Variants in ELP6 observed in about 807,000 individuals in gnomAD.
ELP6 encodes the protein elongator acetyltransferase complex subunit 6.
A neutral mutation model predicts 28.1 loss-of-function variants in ELP6; 23 were observed. The ratio of observed to expected loss-of-function variants is 0.82; its 90% CI spans 0.59 to 1.16. The LOEUF is 1.16. ELP6 is among the 50% of genes most tolerant of loss of function. The pLI is 0.00. For synonymous variants in ELP6, 132 were observed against 135.8 expected (o/e 0.97, Z 0.19); for missense variants, 313 against 334.6 (o/e 0.94, Z 0.50).
At position 47,513,548 on chromosome 3, in the gene ELP6, T is replaced by G; in HGVS notation, c.43A>C (p.Arg15=). 1 of 1,612,800 alleles carries G rather than the reference T, an allele frequency of 6.2e-7. No individual in the cohort carries two copies. Among genetic ancestry groups the G allele is most frequent in the South Asian group, 1.1e-5 (1 of 90,880 alleles). ...LNNLLNTTPD[R]AEQGKLTLLC... ...GCGGGACCTCTTACCTGCTCCGCCC[T>G]GTCGGGGGTGGTGTTAAGCAGGTTA... Residue 15 remains arginine, a synonymous_variant, in exon 1 of 7, where the codon AGG becomes CGG. Coordinates refer to ENST00000296149, the MANE Select transcript of ELP6 (RefSeq NM_001031703.3).
chr3:47,501,680 GTA>G lies in ELP6; in HGVS notation c.493_494del (p.Tyr165LeufsTer26), dbSNP rs1708656859. The G allele has an allele frequency of 1.2e-6, 2 of 1,614,092 alleles. No homozygotes were observed. On this transcript the variant is annotated frameshift_variant, in exon 5 of 7. Transcript: ENST00000296149. LOFTEE classifies it high-confidence loss of function. ...GAVAVLDFIH[Y>X]CRATVCWELK... Reference sequence around the variant, plus strand: ...GTTCCCAGCACACGGTGGCTCTGCAGTAGTGAATGAAGTCTAGCACAGCCACC... The same window carrying G: ...GTTCCCAGCACACGGTGGCTCTGCAGGTGAATGAAGTCTAGCACAGCCACC...
intron 2 of ELP6, among the ~76,000 whole-genome samples, chr3:47,510,813 G>A (rs963106871): frequency 1.3e-5 from 2 of 152,126 alleles, no homozygotes; most frequent in African/African-American, 4.8e-5. Context: ...AAGTGTCAAT[G>A]GGGTCGAGTG....
intron 6 of ELP6, chr3:47,497,804 T>C (rs1211730794): frequency 4.5e-6 from 1 of 219,810 alleles, no homozygotes; most frequent in Non-Finnish European, 7.7e-6. Context: ...TGGCAGTGGG[T>C]GCCTATAATC....
At chr3:47,502,869 C>T (rs531168145) in intron 4 of ELP6, among the ~76,000 whole-genome samples, 9 of 152,156 alleles carry the variant, frequency 5.9e-5, no homozygotes, top group South Asian at 4.1e-4. Flanking sequence ...AGAAGTTAAA[C>T]AGCAACTCAG....
chr3:47,505,973 GC>G (rs1370126898), intron 3 of ELP6, among the ~76,000 whole-genome samples: 1 of 152,170 alleles, frequency 6.6e-6, no homozygotes, highest in Non-Finnish European at 1.5e-5. Flanking sequence ...CAGGAAACCT[GC>G]CCCGATAGTC....
intron 2 of ELP6, 43 bp downstream of exon 2, chr3:47,511,105 C>T (rs1257889044): frequency 6.5e-6 from 10 of 1,535,846 alleles, no homozygotes; most frequent in Non-Finnish European, 9.0e-6. Flanking sequence ...TATTTCTGCA[C>T]CCATCTTGGG....
chr3:47,511,155 A>T lies in ELP6; in HGVS notation c.126T>A (p.Tyr42Ter). ...CATCAATGAGTCCCATACCTTTGAGATAGAAGGAGAGAAAGTGGTGTACAA... is the reference window on the plus strand; with the variant it reads ...CATCAATGAGTCCCATACCTTTGAGTTAGAAGGAGAGAAAGTGGTGTACAA... ...SFLVHHFLSF[Y>*]LKANCKVCFV... Residue 42 changes from tyrosine (Y) to a stop codon, truncating the protein, a stop_gained, in exon 2 of 7, where the codon TAT (tyrosine) becomes TAA (stop). Coordinates refer to ENST00000296149, the MANE Select transcript of ELP6 (RefSeq NM_001031703.3). LOFTEE classifies it high-confidence loss of function. The T allele has an allele frequency of 6.2e-7, 1 of 1,613,892 alleles. No homozygotes were observed. The highest frequency in any genetic ancestry group is 8.5e-7 in the Non-Finnish European group (1 of 1,179,826).
intron 2 of ELP6, among the ~76,000 whole-genome samples, chr3:47,510,495 A>T (rs1034801120): frequency 1.3e-5 from 2 of 152,132 alleles, no homozygotes; most frequent in Non-Finnish European, 2.9e-5. Context: ...TTATCATTTG[A>T]GATGGTCTCG....
intron 6 of ELP6, chr3:47,496,814 C>T: frequency 2.0e-6 from 2 of 985,288 alleles, no homozygotes; most frequent in Non-Finnish European, 2.4e-6. Flanking sequence ...TTCTTCTAAG[C>T]ATGGTTTTGT....
At chr3:47,497,473 A>C (rs1708511756) in intron 6 of ELP6, 2 of 325,782 alleles carry the variant, frequency 6.1e-6, no homozygotes, top group African/African-American at 2.2e-5. Flanking sequence ...AGTAGCTGGG[A>C]CTACAGGCCC....
chr3:47,504,572 G>A (rs2108102169), intron 3 of ELP6, 124 bp from the exon 4 acceptor site: 2 of 1,341,306 alleles, frequency 1.5e-6, no homozygotes, highest in South Asian at 2.0e-5. Context: ...ATCACCCAAT[G>A]TACAGGCCTG....
chr3:47,511,073 C>A, intron 2 of ELP6, 75 bp downstream of exon 2: 3 of 1,300,372 alleles, frequency 2.3e-6, no homozygotes, highest in Non-Finnish European at 3.3e-6. Flanking sequence ...TTATTGCTTC[C>A]TTAAATAGTT....
chr3:47,511,969 G>C (rs1043061680), intron 1 of ELP6: 9 of 982,512 alleles, frequency 9.2e-6, no homozygotes, highest in Non-Finnish European at 1.1e-5. Context: ...AGATCACATC[G>C]TCAGACCTTC....
chr3:47,497,321 G>A (rs1405633372), intron 6 of ELP6: 9 of 985,088 alleles, frequency 9.1e-6, no homozygotes, highest in Non-Finnish European at 1.1e-5. Context: ...CACGGGTACG[G>A]CCTCCCCAAG....
At chr3:47,498,228 A>G in intron 6 of ELP6, 58 bp downstream of exon 6, 1 of 1,598,668 alleles carries the variant, frequency 6.3e-7, no homozygotes, top group African/African-American at 1.3e-5. Context: ...TCCCCTATGT[A>G]GTCAAGAATC....
At chr3:47,500,203 T>A in intron 5 of ELP6, 2 of 1,104,202 alleles carry the variant, frequency 1.8e-6, no homozygotes, top group South Asian at 2.2e-5. Context: ...CAACAAAATA[T>A]ACCGTGTATT....
intron 4 of ELP6, chr3:47,503,192 T>C (rs1708718649): frequency 8.6e-7 from 1 of 1,165,906 alleles, no homozygotes; most frequent in Non-Finnish European, 1.1e-6. Context: ...TGCTAAGGGA[T>C]GTGTGTGAAG....
chr3:47,511,191 A>G lies in ELP6; in HGVS notation c.90T>C (p.Asp30=). The G allele has an allele frequency of 6.2e-7, 1 of 1,614,052 alleles. No homozygotes were observed. Among genetic ancestry groups the G allele is most frequent in the East Asian group, 2.2e-5 (1 of 44,888 alleles). ...KLTLLCDAKT[D]GSFLVHHFLS... is the part of the protein sequence containing the mutation. ...GAAAGTGGTGTACAAGGAAACTCCCATCTGTCTTGGCATCACAGAGTAGAG... is the reference window on the plus strand; with the variant it reads ...GAAAGTGGTGTACAAGGAAACTCCCGTCTGTCTTGGCATCACAGAGTAGAG... The change falls in exon 2 of 7, where the codon GAT becomes GAC. Residue 30 remains aspartate (D), a synonymous_variant. Coordinates refer to ENST00000296149, the MANE Select transcript of ELP6 (RefSeq NM_001031703.3).
In ELP6 at chr3:47,502,391, G is replaced by A. The variant is rs1329396608; in HGVS notation, c.324-540C>T. 4.1e-6 allele frequency: 4 copies of A among 975,498 alleles called. No individual in the cohort carries two copies. The African/African-American group carries it at 5.6e-5, about 14-fold the overall frequency. The allele number at this position is 975,498 out of a possible 1,614,324, so 60.4% of individuals were successfully genotyped here. On this transcript the variant is annotated intron_variant, in intron 4 of 6. Transcript: ENST00000296149. ...AGATCATCCCACTGCACTCCAACCT[G>A]GGCAACAAAATGAGACTCTGTCTCA...
Sources: allele counts gnomAD v4.1 joint callset (sites outside exome capture counted in the v4.1 genomes callset), GRCh38; gene constraint gnomAD v4.1.1; transcripts MANE v1.5; gene names NCBI Gene and HGNC (gene_info 2026-07-23, HGNC 2026-07-21).